PDK2: variants seen among roughly 807,000 people sequenced by gnomAD.
The protein encoded by PDK2 is pyruvate dehydrogenase kinase 2.
Under a neutral mutation model 50.4 loss-of-function variants are expected in PDK2, and 34 were observed. The ratio of observed to expected loss-of-function variants is 0.68; its 90% CI spans 0.51 to 0.90. The LOEUF is 0.90. Among genes scored for constraint, PDK2 ranks in the 40% least tolerant of loss-of-function variants. PDK2 has a pLI of 0.00. For missense variants in PDK2, 377 were observed against 544.5 expected, an observed-to-expected ratio of 0.69 and a Z score of 3.06; for synonymous variants, 232 against 216.0, an observed-to-expected ratio of 1.07 and a Z score of -0.65.
At position 50,105,970 on chromosome 17, in the gene PDK2, A is replaced by G. The variant is rs1482552836; in HGVS notation, c.418A>G (p.Thr140Ala). The G allele has an allele frequency of 3.1e-6, 5 of 1,612,562 alleles. No homozygotes were observed. The African/African-American group carries it at 5.3e-5, about 17-fold the overall frequency. The change falls in exon 4 of 11, where the codon ACC becomes GCC. Residue 140 changes from threonine to alanine, a missense_variant. Thr to Ala is a moderately conservative substitution (Grantham distance 58, BLOSUM62 0). Around this residue, in one of 3 missense-constraint regions of PDK2, gnomAD observed 63 missense variants for 135.1 expected, o/e 0.47. Transcript: ENST00000503176. Reference protein sequence around the residue: ...MAQGVLEYKDTYGDDPVSNQN... With the variant: ...MAQGVLEYKDAYGDDPVSNQN... ...ACAAGGCGTGCTTGAGTACAAGGAC[A>G]CCTACGGCGATGACCCCGTCTCCAA...
At chr17:50,096,296 G>A (rs1020174730) in intron 1 of PDK2, 11 of 985,330 alleles carry the variant, frequency 1.1e-5, no homozygotes, top group Admixed American at 6.1e-5. Flanking sequence ...GGTCAGGATC[G>A]CCCACTACCA....
At position 50,101,531 on chromosome 17, in the gene PDK2, A is replaced by G. The variant is rs950622682; in HGVS notation, c.261-3840A>G. Among the ~76,000 whole-genome samples, 46 of 151,960 alleles carry G rather than the reference A, an allele frequency of 3.0e-4. No homozygotes were observed. Among genetic ancestry groups the G allele is most frequent in the African/African-American group, 1.1e-3 (46 of 41,308 alleles). ...CTCCTCCCCAGCCTTTGCCTTGTTT[A>G]CACCCTGCTCCCCAGCAGCTGTGGA... is the stretch of plus-strand genomic sequence containing the variant. On this transcript the variant is annotated intron_variant, in intron 2 of 10. Coordinates refer to ENST00000503176, the MANE Select transcript of PDK2 (RefSeq NM_002611.5). The surrounding 1 kb of genome is among the most constrained non-coding windows in gnomAD (Gnocchi z 4.2).
chr17:50,107,043 A>C, intron 5 of PDK2, 33 bp from the exon 6 acceptor site: 1 of 1,601,812 alleles, frequency 6.2e-7, no homozygotes, highest in Non-Finnish European at 8.6e-7. Flanking sequence ...TGGGTGGGCC[A>C]CCCATGCCCT....
rs2144373530 is a variant in PDK2, at chr17:50,108,522, G to A, written c.862-90G>A. The stretch of plus-strand genomic sequence containing the variant: ...TCCTACATGGTGGGCAGATCCTGGG[G>A]GTGGGGAAGACCATGAGAAGGTCAG... On this transcript the variant is annotated intron_variant, in intron 8 of 10. Transcript: ENST00000503176. 2.2e-6 allele frequency: 3 copies of A among 1,363,062 alleles called. No homozygotes were observed. The East Asian group carries it at 7.0e-5, about 32-fold the overall frequency. The allele number at this position is 1,363,062 out of a possible 1,614,324, so 84.4% of individuals were successfully genotyped here. A position where few individuals can be genotyped will look rare whatever the true frequency, so the allele number is the denominator to read the frequency against.
chr17:50,095,097 C>T (rs144399275), upstream of PDK2, among the ~76,000 whole-genome samples: 549 of 152,252 alleles, frequency 3.6e-3, 4 homozygotes, highest in African/African-American at 0.012. Context: ...GGGGTTAACC[C>T]GGGCTTCGCC....
rs201471351 is a variant in PDK2 at position 50,097,420 on chromosome 17, C to G, written c.119-3C>G. On this transcript the variant is annotated splice_polypyrimidine_tract_variant and splice_region_variant and intron_variant, in intron 1 of 10. Coordinates refer to ENST00000503176, the MANE Select transcript of PDK2 (RefSeq NM_002611.5). ...TGTGGCTCACCCCTCTTTCTCCTGC[C>G]AGGATCCAGCAATGCCTGTGAGAAA... 5.6e-5 allele frequency: 91 copies of G among 1,613,376 alleles called. No individual in the cohort carries two copies. Among genetic ancestry groups the G allele is most frequent in the Non-Finnish European group, 7.5e-5 (89 of 1,179,950 alleles).
At chr17:50,098,971 G>A (rs12945254) in intron 2 of PDK2, 57,121 of 151,834 alleles carry the variant, frequency 0.38, 10,913 homozygotes, top group East Asian at 0.55. Flanking sequence ...GGCTAAGGGA[G>A]CTGAGAACTG....
chr17:50,109,475 G>C lies in PDK2; in HGVS notation c.1083+75G>C. The C allele has an allele frequency of 1.1e-6, 1 of 889,034 alleles. No individual in the cohort carries two copies. Among genetic ancestry groups the C allele is most frequent in the Non-Finnish European group, 1.7e-6 (1 of 583,968 alleles). The allele number at this position is 889,034 out of a possible 1,614,324, so 55.1% of individuals were successfully genotyped here. The stretch of plus-strand genomic sequence containing the variant: ...GACCTGGGCAGCCTTGGCCAGCTGC[G>C]AGCTTTCCTTTCCATCCCCCCAGTC... On this transcript the variant is annotated intron_variant, in intron 10 of 10. Transcript: ENST00000503176. The surrounding 1 kb of genome is among the most constrained non-coding windows in gnomAD (Gnocchi z 5.0).
rs1343976398 is a variant in PDK2 at position 50,097,232 on chromosome 17, C to A, written c.119-191C>A. Among the ~76,000 whole-genome samples, 2 of 152,250 alleles carry A rather than the reference C, an allele frequency of 1.3e-5. 1 individual carries two copies. Among genetic ancestry groups the A allele is most frequent in the South Asian group, 4.1e-4 (2 of 4,824 alleles). ...AGCTGGGGATGAGGAGAGGATGACA[C>A]CTCCTGAAGTGTTAGGCATGGGGTG... On this transcript the variant is annotated intron_variant, in intron 1 of 10. Transcript: ENST00000503176.
In PDK2 at chr17:50,109,920, C is replaced by A; in HGVS notation, c.1084-37C>A. Reference sequence around the variant, plus strand: ...GGTCTGCTGAGGAGTGGACAAGGCACAGGGAGGTGGGAGGGGCTGACCCTG... The same window carrying A: ...GGTCTGCTGAGGAGTGGACAAGGCAAAGGGAGGTGGGAGGGGCTGACCCTG... On this transcript the variant is annotated intron_variant, in intron 10 of 10. Coordinates refer to ENST00000503176, the MANE Select transcript of PDK2 (RefSeq NM_002611.5). This position sits in a 1 kb window ranked among gnomAD's most constrained non-coding sequence, Gnocchi z 5.0. 6.7e-7 allele frequency: 1 copy of A among 1,492,770 alleles called. No homozygotes were observed. Among genetic ancestry groups the A allele is most frequent in the South Asian group, 1.3e-5 (1 of 76,808 alleles). 92.5% of individuals were successfully genotyped at this position (1,492,770 alleles called of 1,614,324 possible). A position where few individuals can be genotyped will look rare whatever the true frequency, so the allele number is the denominator to read the frequency against.
upstream of PDK2, chr17:50,095,179 GC>G: frequency 4.7e-6 from 2 of 427,340 alleles, no homozygotes; most frequent in Non-Finnish European, 8.4e-6. Flanking sequence ...ACAACAGGCC[GC>G]CCCGGCAAAG....
chr17:50,104,960 G>A (rs745500049), intron 2 of PDK2, among the ~76,000 whole-genome samples: 1 of 152,168 alleles, frequency 6.6e-6, no homozygotes, highest in South Asian at 2.1e-4. Flanking sequence ...AACATTAGGA[G>A]CTGTTTCCAC....
intron 2 of PDK2, among the ~76,000 whole-genome samples, chr17:50,099,404 G>T (rs1356905924): frequency 3.3e-5 from 5 of 152,216 alleles, no homozygotes; most frequent in African/African-American, 1.2e-4. Flanking sequence ...CAGATAAGAG[G>T]TTGGCCTGAC....
At position 50,108,629 on chromosome 17, in the gene PDK2, G is replaced by A; in HGVS notation, c.879G>A (p.Gly293=). The A allele has an allele frequency of 6.2e-7, 1 of 1,612,238 alleles. No homozygotes were observed. The highest frequency in any genetic ancestry group is 1.1e-5 in the South Asian group (1 of 90,566). Residue 293 remains glycine, a synonymous_variant, in exon 9 of 11, where the codon GGG becomes GGA. Transcript: ENST00000503176. ...TCTCCCAGATGAGTGACCGAGGTGGGGGTGTTCCCTTGAGGAAGATTGAGC... is the reference window on the plus strand; with the variant it reads ...TCTCCCAGATGAGTGACCGAGGTGGAGGTGTTCCCTTGAGGAAGATTGAGC... The part of the protein sequence containing the change: ...DLSIKMSDRG[G]GVPLRKIERL...
In PDK2 at chr17:50,108,175, G is replaced by A. The variant is rs764321713; in HGVS notation, c.705G>A (p.Pro235=). 14 of 1,595,766 alleles carry A rather than the reference G, an allele frequency of 8.8e-6. No homozygotes were observed. Among genetic ancestry groups the A allele is most frequent in the African/African-American group, 4.0e-5 (3 of 74,806 alleles). ...CTGTAGCAGCCAACTCCAAACAGCC[G>A]ATTCACATGGTCTACGTCCCCTCCC... ...QEINAANSKQ[P]IHMVYVPSHL... Residue 235 remains proline, a synonymous_variant, in exon 7 of 11, where the codon CCG becomes CCA. Coordinates refer to ENST00000503176, the MANE Select transcript of PDK2 (RefSeq NM_002611.5).
chr17:50,106,725 C>A, intron 4 of PDK2, 69 bp from the exon 5 acceptor site: 3 of 1,315,364 alleles, frequency 2.3e-6, no homozygotes, highest in African/African-American at 1.4e-5. Flanking sequence ...AGGAGGAAAG[C>A]CCGGGGGAAG....
At chr17:50,105,772 GGGAGTCCATC>G in intron 3 of PDK2, 103 bp from the exon 4 acceptor site, 1 of 1,391,202 alleles carries the variant, frequency 7.2e-7, no homozygotes, top group Non-Finnish European at 9.7e-7. Flanking sequence ...GGAGGGCACT[GGGAGTCCATC>G]GGATTGGGAA....
chr17:50,107,895 G>C (rs535311956), intron 6 of PDK2: 9 of 526,342 alleles, frequency 1.7e-5, no homozygotes, highest in South Asian at 1.6e-4. Context: ...TTGCTGGACA[G>C]GTCAGGGCTG....
chr17:50,106,334 T>A (rs1910515364), intron 4 of PDK2: 1 of 842,684 alleles, frequency 1.2e-6, no homozygotes, highest in Admixed American at 3.3e-5. Context: ...AATGTTTAAT[T>A]TAGTATTTAT....
Sources: gnomAD v4.1 joint callset for allele counts (sites outside exome capture counted in the v4.1 genomes callset) on GRCh38, gnomAD v4.1.1 for gene constraint, gnomAD v4.1.1 regional missense constraint, Gnocchi (gnomAD v3.1) non-coding constraint, MANE v1.5 for transcripts, NCBI Gene and HGNC (gene_info 2026-07-23, HGNC 2026-07-21) for gene names.